The following PLCE1 variants were observed in gnomAD, a reference collection of about 807,000 sequenced individuals.
PLCE1 encodes 1-phosphatidylinositol 4,5-bisphosphate phosphodiesterase epsilon-1.
A neutral mutation model predicts 242.8 loss-of-function variants in PLCE1; 119 were observed. That is an observed-to-expected ratio of 0.49 (90% confidence interval 0.42 to 0.57). PLCE1 has a LOEUF of 0.57. PLCE1 is among the 20% of genes least tolerant of loss of function. The pLI, the probability that PLCE1 is intolerant of heterozygous loss-of-function variation, is 0.00. For missense variants in PLCE1, 2,441 were observed against 2,788.8 expected (o/e 0.88, Z 2.81); for synonymous variants, 945 against 1,017.4 (o/e 0.93, Z 1.35).
chr10:94,135,443 T>C (rs1217395533), intron 3 of PLCE1, among the ~76,000 whole-genome samples: 1 of 152,180 alleles, frequency 6.6e-6, no homozygotes, highest in African/African-American at 2.4e-5. Context: ...TTCTTTAGTA[T>C]GTGTCCTGTG....
chr10:94,019,080 A>G (rs1315937985), intron 1 of PLCE1, among the ~76,000 whole-genome samples: 1 of 152,240 alleles, frequency 6.6e-6, no homozygotes, highest in Non-Finnish European at 1.5e-5. Context: ...TCATAGGATC[A>G]TTATGAGAAT....
At chr10:94,016,811 G>A (rs2061290956) in intron 1 of PLCE1, among the ~76,000 whole-genome samples, 1 of 152,082 alleles carries the variant, frequency 6.6e-6, no homozygotes, top group Non-Finnish European at 1.5e-5. Flanking sequence ...ATATATAATA[G>A]CCTGTTTTAT....
intron 8 of PLCE1, 73 bp downstream of exon 8, chr10:94,246,694 C>G (rs562303962): frequency 2.2e-6 from 3 of 1,365,026 alleles, no homozygotes; most frequent in Middle Eastern, 2.2e-4. Flanking sequence ...ACCAGACCAC[C>G]AGGTTCATGC....
chr10:94,119,589 C>T (rs139123112), intron 2 of PLCE1, among the ~76,000 whole-genome samples: 12 of 152,218 alleles, frequency 7.9e-5, no homozygotes, highest in African/African-American at 2.9e-4. Flanking sequence ...TCAACCTTGC[C>T]CTAGCTAACT....
chr10:94,224,093 GGTGTGTGTGC>G (rs1239885735), intron 4 of PLCE1, among the ~76,000 whole-genome samples: 1 of 131,434 alleles, frequency 7.6e-6, no homozygotes, highest in Non-Finnish European at 1.6e-5. Flanking sequence ...CAGATGTTGG[GGTGTGTGTGC>G]GTGTGTGTGT....
chr10:94,204,936 ACT>A (rs1327282456), intron 4 of PLCE1, among the ~76,000 whole-genome samples: 39 of 152,278 alleles, frequency 2.6e-4, no homozygotes, highest in African/African-American at 9.4e-4. Flanking sequence ...TCAAAACATG[ACT>A]CTCTATAAAG....
intron 2 of PLCE1, among the ~76,000 whole-genome samples, chr10:94,045,401 G>T (rs1186473387): frequency 1.3e-5 from 2 of 152,160 alleles, no homozygotes; most frequent in Non-Finnish European, 2.9e-5. Flanking sequence ...CTCTCAAAGT[G>T]TTGGGATTAT....
chr10:94,296,633 T>C (rs1393059291), intron 23 of PLCE1, among the ~76,000 whole-genome samples: 1 of 152,202 alleles, frequency 6.6e-6, no homozygotes, highest in Non-Finnish European at 1.5e-5. Context: ...TAAAATATGT[T>C]GTGGCTGGTT....
Position 94,313,249 on chromosome 10 carries a change from G to A in PLCE1, c.6004-5G>A. 2 of 1,613,908 alleles carry A rather than the reference G, an allele frequency of 1.2e-6. No individual in the cohort carries two copies. The highest frequency in any genetic ancestry group is 2.2e-5 in the East Asian group (1 of 44,886). ...GAATGATCAGCCATGTGATCTTCTT[G>A]ACAGATGTTTAATACAGAAGAAAGA... On this transcript the variant is annotated splice_region_variant and splice_polypyrimidine_tract_variant and intron_variant, in intron 27 of 32. Transcript: ENST00000371380.
At position 94,316,785 on chromosome 10, in the gene PLCE1, G is replaced by A. The variant is rs182337388; in HGVS notation, c.6342+29G>A. ...AGTGTGTCTGGGTGCAGCCTACACA[G>A]TAACGACTCATTATGTGATTAGCCA... On this transcript the variant is annotated intron_variant, in intron 29 of 32. Transcript: ENST00000371380. The A allele has an allele frequency of 4.0e-3, 6,058 of 1,501,280 alleles. 8 individuals carry two copies. The highest frequency in any genetic ancestry group is 5.1e-3 in the Non-Finnish European group (5,542 of 1,076,930). The allele number at this position is 1,501,280 out of a possible 1,614,324, so 93.0% of individuals were successfully genotyped here.
chr10:94,238,510 C>T (rs2050396748), intron 7 of PLCE1, among the ~76,000 whole-genome samples: 2 of 152,180 alleles, frequency 1.3e-5, no homozygotes, highest in Non-Finnish European at 2.9e-5. Flanking sequence ...TGTAGAGAGA[C>T]TAACCCTTAG....
intron 3 of PLCE1, among the ~76,000 whole-genome samples, chr10:94,135,496 A>G (rs972099722): frequency 6.6e-6 from 1 of 152,182 alleles, no homozygotes; most frequent in African/African-American, 2.4e-5. Context: ...GGGAATATAT[A>G]ATACACTCTT....
At chr10:94,064,227 C>G (rs2044138344) in intron 2 of PLCE1, among the ~76,000 whole-genome samples, 1 of 152,136 alleles carries the variant, frequency 6.6e-6, no homozygotes, top group Non-Finnish European at 1.5e-5. Context: ...ACAAATTAGT[C>G]ATAATAAGTC....
At chr10:94,020,907 G>A (rs1488040579) in intron 1 of PLCE1, among the ~76,000 whole-genome samples, 1 of 152,140 alleles carries the variant, frequency 6.6e-6, no homozygotes, top group African/African-American at 2.4e-5. Flanking sequence ...TTTGCTCACT[G>A]CAGGCTCCAC....
Position 94,273,670 on chromosome 10 carries a change from A to G in PLCE1, c.4615A>G (p.Asn1539Asp). The G allele has an allele frequency of 6.2e-7, 1 of 1,613,940 alleles. No individual in the cohort carries two copies. Among genetic ancestry groups the G allele is most frequent in the African/African-American group, 1.3e-5 (1 of 75,044 alleles). ...ACTCAGAAAGAAAGTTCTTCTTAAA[A>G]ACAAGAAGCTAAAAGCCCATCAGAC... is the stretch of plus-strand genomic sequence containing the variant. Reference protein sequence around the residue: ...DQLRKKVLLKNKKLKAHQTPV... With the variant: ...DQLRKKVLLKDKKLKAHQTPV... The change falls in exon 19 of 33, where the codon AAC (asparagine) becomes GAC (aspartate). Residue 1539 changes from asparagine to aspartate, a missense_variant. Asn to Asp is a conservative substitution (Grantham distance 23). Transcript: ENST00000371380.
At chr10:94,118,792 C>T (rs2046216991) in intron 2 of PLCE1, among the ~76,000 whole-genome samples, 1 of 152,188 alleles carries the variant, frequency 6.6e-6, no homozygotes, top group South Asian at 2.1e-4. Context: ...CTTCTACACA[C>T]ACATAGCTGA....
intron 4 of PLCE1, among the ~76,000 whole-genome samples, chr10:94,216,981 T>A (rs1702060855): frequency 6.6e-6 from 1 of 150,472 alleles, no homozygotes; most frequent in Non-Finnish European, 1.5e-5. Flanking sequence ...TTCCATTTTC[T>A]CTTTTATGAA....
At chr10:94,226,196 T>C (rs1324637717) in intron 4 of PLCE1, among the ~76,000 whole-genome samples, 1 of 152,240 alleles carries the variant, frequency 6.6e-6, no homozygotes, top group Non-Finnish European at 1.5e-5. Context: ...AGACATGGAT[T>C]ATTTTTAAAT....
At position 94,239,221 on chromosome 10, in the gene PLCE1, T is replaced by C. The variant is rs149598204; in HGVS notation, c.2420+3101T>C. ...GGTTTGGCTGTGCCTCCAGCCAAAC[T>C]CTCATCTTGATTTGTAATCCCTATA... On this transcript the variant is annotated intron_variant, in intron 7 of 32. Transcript: ENST00000371380. Among the ~76,000 whole-genome samples, 251 of 152,318 alleles carry C rather than the reference T, an allele frequency of 1.6e-3. 2 individuals are homozygous for C. The highest frequency in any genetic ancestry group is 4.5e-3 in the African/African-American group (186 of 41,586).
Sources: gnomAD v4.1 joint callset for allele counts (sites outside exome capture counted in the v4.1 genomes callset) on GRCh38, gnomAD v4.1.1 for gene constraint, MANE v1.5 for transcripts, NCBI Gene and HGNC (gene_info 2026-07-23, HGNC 2026-07-21) for gene names.